Variants in DCC observed in about 807,000 individuals in gnomAD.
The protein encoded by DCC is DCC netrin 1 receptor.
In DCC, 58 loss-of-function variants were observed where a neutral mutation model predicts 172.5. That is an observed-to-expected ratio of 0.34 (90% confidence interval 0.27 to 0.42). The LOEUF (loss-of-function observed/expected upper bound fraction) is 0.42, where lower values mean the gene tolerates loss of function less well. Among genes scored for constraint, DCC ranks in the 10% least tolerant of loss-of-function variants. The probability of loss-of-function intolerance (pLI) is 1.00; values close to 1 mark genes in which losing one functional copy is unlikely to be tolerated. For synonymous variants in DCC, 709 were observed against 644.5 expected (o/e 1.10, Z -1.52); for missense variants, 1,740 against 1,791.0 (o/e 0.97, Z 0.51).
chr18:52,768,270 A>T (rs971076800), intron 2 of DCC, among the ~76,000 whole-genome samples: 1 of 152,200 alleles, frequency 6.6e-6, no homozygotes, highest in African/African-American at 2.4e-5. Flanking sequence ...TGTTTTAAAA[A>T]TTACGAGTTT....
intron 1 of DCC, among the ~76,000 whole-genome samples, chr18:52,716,266 C>T (rs751328659): frequency 1.3e-5 from 2 of 152,210 alleles, no homozygotes; most frequent in African/African-American, 2.4e-5. Flanking sequence ...GGCACGTTGG[C>T]GGTTTTCTGG....
chr18:52,752,328 A>C lies in DCC; in HGVS notation c.366A>C (p.Gly122=). The part of the protein sequence containing the change: ...EGLYQCEASL[G]DSGSIISRTA... The stretch of plus-strand genomic sequence containing the variant: ...TTTACCAATGTGAGGCATCTTTAGG[A>C]GATTCTGGCTCAATTATTAGTCGGA... The change falls in exon 2 of 29, where the codon GGA becomes GGC. Residue 122 remains glycine (G), a synonymous_variant. Transcript: ENST00000442544. 2 of 1,614,194 alleles carry C rather than the reference A, an allele frequency of 1.2e-6. No individual in the cohort carries two copies. The highest frequency in any genetic ancestry group is 1.7e-6 in the Non-Finnish European group (2 of 1,180,046).
chr18:52,922,271 C>A (rs2040138346), intron 3 of DCC, among the ~76,000 whole-genome samples: 2 of 152,118 alleles, frequency 1.3e-5, no homozygotes, highest in Admixed American at 6.6e-5. Context: ...GCAAAGAATA[C>A]TTTAGATAAC....
chr18:52,700,609 G>A (rs2036109299), intron 1 of DCC, among the ~76,000 whole-genome samples: 4 of 152,130 alleles, frequency 2.6e-5, no homozygotes, highest in Admixed American at 2.6e-4. Context: ...TAGTTTTATA[G>A]ACATATTTTG....
At chr18:52,779,114 T>C (rs1041536778) in intron 2 of DCC, among the ~76,000 whole-genome samples, 1 of 152,216 alleles carries the variant, frequency 6.6e-6, no homozygotes, top group African/African-American at 2.4e-5. Flanking sequence ...ACCTTGTTCT[T>C]TTCAAGTGTA....
intron 2 of DCC, among the ~76,000 whole-genome samples, chr18:52,828,891 T>C (rs545361420): frequency 1.3e-5 from 2 of 152,338 alleles, no homozygotes; most frequent in East Asian, 3.9e-4. Context: ...TTCTGAATTA[T>C]TTGCTTTTAT....
intron 1 of DCC, among the ~76,000 whole-genome samples, chr18:52,344,570 G>T (rs1279848764): frequency 2.0e-5 from 3 of 152,136 alleles, no homozygotes; most frequent in East Asian, 3.9e-4. Context: ...CATCTAGCAG[G>T]ATCACTGTCA....
At chr18:53,373,507 A>G (rs2058080127) in intron 15 of DCC, among the ~76,000 whole-genome samples, 2 of 152,096 alleles carry the variant, frequency 1.3e-5, no homozygotes, top group East Asian at 1.9e-4. Context: ...TGTTTGTACG[A>G]CTCATTATTG....
At chr18:53,257,087 G>A (rs1453741067) in intron 12 of DCC, among the ~76,000 whole-genome samples, 1 of 152,176 alleles carries the variant, frequency 6.6e-6, no homozygotes, top group African/African-American at 2.4e-5. Flanking sequence ...TGCTGAAGTT[G>A]CCTATTAGCT....
intron 3 of DCC, among the ~76,000 whole-genome samples, chr18:52,917,958 C>T (rs530772946): frequency 1.3e-5 from 2 of 149,438 alleles, no homozygotes; most frequent in Admixed American, 1.3e-4. Context: ...GATTTTAATA[C>T]CAAAATTTGA....
At chr18:52,371,011 A>G (rs912121203) in intron 1 of DCC, among the ~76,000 whole-genome samples, 19 of 152,216 alleles carry the variant, frequency 1.2e-4, no homozygotes, top group Non-Finnish European at 2.6e-4. Context: ...GGGAGTTCAG[A>G]AATCAATAGA....
chr18:53,334,492 T>G (rs1020425182), intron 14 of DCC, among the ~76,000 whole-genome samples: 2 of 152,198 alleles, frequency 1.3e-5, no homozygotes, highest in Admixed American at 1.3e-4. Context: ...AGCACATTCA[T>G]GTTGTCATGC....
intron 1 of DCC, among the ~76,000 whole-genome samples, chr18:52,512,538 A>G (rs1375747746): frequency 6.6e-6 from 1 of 152,182 alleles, no homozygotes; most frequent in Admixed American, 6.5e-5. Flanking sequence ...TGGATGTTCT[A>G]TTGGATTTTA....
intron 1 of DCC, among the ~76,000 whole-genome samples, chr18:52,373,915 C>CG (rs1223407305): frequency 8.9e-6 from 1 of 112,262 alleles, no homozygotes; most frequent in Non-Finnish European, 1.8e-5. Flanking sequence ...TTTTTTGAGA[C>CG]GGAGTCTCGC....
intron 18 of DCC, 52 bp downstream of exon 18, chr18:53,397,498 T>C: frequency 6.2e-7 from 1 of 1,602,274 alleles, no homozygotes; most frequent in Non-Finnish European, 8.5e-7. Context: ...TTTCCCAGGT[T>C]CTGTGGAAAT....
chr18:53,281,859 T>C (rs996696195), intron 12 of DCC, among the ~76,000 whole-genome samples: 9 of 150,030 alleles, frequency 6.0e-5, no homozygotes, highest in African/African-American at 1.2e-4. Context: ...CCAAAAGATA[T>C]ACATCCGATT....
rs548485030 is a variant in DCC, at chr18:53,105,574, T to C, written c.1261+39408T>C. Among the ~76,000 whole-genome samples the C allele has an allele frequency of 2.6e-5, 4 of 152,106 alleles. No homozygotes were observed. The East Asian group carries it at 7.8e-4, about 30-fold the overall frequency. ...ATCTAACACAAAAGAGTTAAATACA[T>C]GTATTTGCAGAACACAAATTGTTTT... is the stretch of plus-strand genomic sequence containing the variant. On this transcript the variant is annotated intron_variant, in intron 7 of 28. Coordinates refer to ENST00000442544, the MANE Select transcript of DCC (RefSeq NM_005215.4).
chr18:53,080,403 A>G (rs1226186942), intron 7 of DCC, among the ~76,000 whole-genome samples: 2 of 152,152 alleles, frequency 1.3e-5, no homozygotes, highest in African/African-American at 2.4e-5. Flanking sequence ...CCTGACAATG[A>G]CAGACTCTCA....
intron 1 of DCC, among the ~76,000 whole-genome samples, chr18:52,391,672 C>A (rs1038398964): frequency 3.3e-5 from 5 of 152,028 alleles, no homozygotes; most frequent in Admixed American, 1.3e-4. Flanking sequence ...GGGAAGGGAG[C>A]AGAATACTTG....
Sources: gnomAD v4.1 joint callset for allele counts (sites outside exome capture counted in the v4.1 genomes callset) on GRCh38, gnomAD v4.1.1 for gene constraint, MANE v1.5 for transcripts, NCBI Gene and HGNC (gene_info 2026-07-23, HGNC 2026-07-21) for gene names.